The following ZNF709 variants were observed in gnomAD, a reference collection of about 807,000 sequenced individuals.
ZNF709 encodes the protein zinc finger protein 709.
ZNF709 carries 15 observed loss-of-function variants against 10.6 expected under a neutral mutation model. The observed-to-expected ratio is 1.41, with a 90% confidence interval of 0.95 to 2.18. The LOEUF (loss-of-function observed/expected upper bound fraction) is 2.18. Among genes scored for constraint, ZNF709 ranks in the 30% most tolerant of loss-of-function variants. ZNF709 has a pLI of 0.00. For synonymous variants in ZNF709, 194 were observed against 238.8 expected (o/e 0.81, Z 1.73); for missense variants, 589 against 774.0 (o/e 0.76, Z 2.84).
intron 1 of ZNF709, among the ~76,000 whole-genome samples, chr19:12,475,257 T>TTAAAA (rs1555694110): frequency 4.5e-5 from 2 of 44,734 alleles, no homozygotes; most frequent in Non-Finnish European, 8.6e-5. Flanking sequence ...GATTCCGTCT[T>TTAAAA]AAAAAAAAAA....
At chr19:12,468,498 T>C (rs1243944714) in intron 1 of ZNF709, among the ~76,000 whole-genome samples, 2 of 151,740 alleles carry the variant, frequency 1.3e-5, no homozygotes, top group African/African-American at 4.8e-5. Flanking sequence ...GAAGGCAGCA[T>C]GCTCGTTAAG....
intron 1 of ZNF709, among the ~76,000 whole-genome samples, chr19:12,468,896 A>G (rs2144993190): frequency 6.6e-6 from 1 of 151,926 alleles, no homozygotes; most frequent in African/African-American, 2.4e-5. Flanking sequence ...GCTAGAGTGC[A>G]GTGGCGCGAT....
In ZNF709 at chr19:12,482,156, A is replaced by AACAC. The variant is rs34621481; in HGVS notation, c.3+2495_3+2498dup. 8.3e-4 allele frequency among the ~76,000 whole-genome samples: 107 copies of AACAC among 128,448 alleles called. 2 individuals carry two copies. The South Asian group carries it at 0.014, about 17-fold the overall frequency. 84.3% of individuals were successfully genotyped at this position (128,448 alleles called of 152,430 possible). ...TCTAAAATACACACACACACACACAAACACACACACACACACACACACACA... is the reference window on the plus strand; with the variant it reads ...TCTAAAATACACACACACACACACAAACACACACACACACACACACACACACACA... On this transcript the variant is annotated intron_variant, in intron 1 of 3. Coordinates refer to ENST00000397732, the MANE Select transcript of ZNF709 (RefSeq NM_152601.4).
intron 1 of ZNF709, among the ~76,000 whole-genome samples, chr19:12,470,441 C>T (rs1970625543): frequency 6.6e-6 from 1 of 152,106 alleles, no homozygotes; most frequent in Admixed American, 6.5e-5. Flanking sequence ...TTCCTACTAC[C>T]TAGTGTGCAG....
In ZNF709 at chr19:12,463,884, T is replaced by C. The variant is rs983005194; in HGVS notation, c.*112A>G. 6 of 905,318 alleles carry C rather than the reference T, an allele frequency of 6.6e-6. No individual in the cohort carries two copies. The East Asian group carries it at 1.4e-4, about 21-fold the overall frequency. 56.1% of individuals were successfully genotyped at this position (905,318 alleles called of 1,614,324 possible). Reference sequence around the variant, plus strand: ...AGAGGTTGCAGTGAGCTGAGATCACTCTACTGCACTCCAGCCAGGGCAACA... The same window carrying C: ...AGAGGTTGCAGTGAGCTGAGATCACCCTACTGCACTCCAGCCAGGGCAACA... On this transcript the variant is annotated 3_prime_UTR_variant, in exon 4 of 4. Transcript: ENST00000397732.
chr19:12,466,229 C>T (rs59147944), intron 3 of ZNF709, among the ~76,000 whole-genome samples: 1,813 of 152,278 alleles, frequency 0.012, 41 homozygotes, highest in African/African-American at 0.042. Context: ...GCATGAGCCA[C>T]CATGCCTGGC....
At chr19:12,467,812 G>C (rs924984707) in intron 1 of ZNF709, among the ~76,000 whole-genome samples, 6 of 146,992 alleles carry the variant, frequency 4.1e-5, no homozygotes, top group South Asian at 2.2e-4. Context: ...GGGAGGTGAG[G>C]AGTGCCTCTG....
intron 1 of ZNF709, among the ~76,000 whole-genome samples, chr19:12,482,725 C>T (rs67514268): frequency 0.41 from 61,867 of 152,006 alleles, 14,185 homozygotes; most frequent in Non-Finnish European, 0.51. Flanking sequence ...TTCAGATCCC[C>T]AGCTTTCCAG....
In ZNF709 at chr19:12,473,378, C is replaced by T. The variant is rs189460959; in HGVS notation, c.4-6528G>A. On this transcript the variant is annotated intron_variant, in intron 1 of 3. Transcript: ENST00000397732. ...TATTTAAAGTTCAAATAAGGCTCAA[C>T]TAAAAGAACATCACATAGTGAAATG... Among the ~76,000 whole-genome samples, 33 of 152,108 alleles carry T rather than the reference C, an allele frequency of 2.2e-4. No homozygotes were observed. The East Asian group carries it at 5.8e-3, about 27-fold the overall frequency.
intron 1 of ZNF709, among the ~76,000 whole-genome samples, chr19:12,480,994 C>T (rs187581377): frequency 6.6e-6 from 1 of 150,862 alleles, no homozygotes; most frequent in Non-Finnish European, 1.5e-5. Flanking sequence ...ATGTTGCCCA[C>T]GCTAGTCTCA....
Position 12,467,736 on chromosome 19 carries a change from A to T in ZNF709, c.4-886T>A, listed in dbSNP as rs1338955221. On this transcript the variant is annotated intron_variant, in intron 1 of 3. Transcript: ENST00000397732. ...GCGGCCCATCGTCTGAGAGGTGGGG[A>T]GCGCCTCTGCCCCGCCGCCCCGTCT... Among the ~76,000 whole-genome samples, 6 of 144,644 alleles carry T rather than the reference A, an allele frequency of 4.1e-5. No individual in the cohort carries two copies. The South Asian group carries it at 1.1e-3, about 27-fold the overall frequency. 94.9% of individuals were successfully genotyped at this position (144,644 alleles called of 152,430 possible).
intron 1 of ZNF709, among the ~76,000 whole-genome samples, chr19:12,476,216 AC>A (rs1309479510): frequency 6.6e-6 from 1 of 151,996 alleles, no homozygotes; most frequent in Non-Finnish European, 1.5e-5. Flanking sequence ...ACTAAGTAGG[AC>A]CCCATCTCTA....
intron 1 of ZNF709, among the ~76,000 whole-genome samples, chr19:12,477,494 A>G (rs1413173294): frequency 1.3e-5 from 2 of 152,236 alleles, no homozygotes; most frequent in Non-Finnish European, 2.9e-5. Flanking sequence ...AGGCACAGTT[A>G]TGATGGCTAA....
At chr19:12,482,775 A>G (rs1264715755) in intron 1 of ZNF709, among the ~76,000 whole-genome samples, 3 of 152,124 alleles carry the variant, frequency 2.0e-5, no homozygotes, top group African/African-American at 7.2e-5. Context: ...CTCCTTCCAC[A>G]GTAGGTATGA....
At chr19:12,482,033 C>T (rs1197775907) in intron 1 of ZNF709, among the ~76,000 whole-genome samples, 1 of 151,244 alleles carries the variant, frequency 6.6e-6, no homozygotes, top group Non-Finnish European at 1.5e-5. Context: ...GAAAGCCAAG[C>T]CACATCTGTA....
intron 1 of ZNF709, among the ~76,000 whole-genome samples, chr19:12,471,662 G>A (rs1970635395): frequency 6.6e-6 from 1 of 152,108 alleles, no homozygotes. Context: ...GCATTTATAA[G>A]GAAAATTGAT....
intron 1 of ZNF709, among the ~76,000 whole-genome samples, chr19:12,480,768 T>A (rs1224184679): frequency 1.3e-5 from 2 of 151,570 alleles, no homozygotes; most frequent in East Asian, 3.9e-4. Context: ...GACTTTGAGG[T>A]TTTTTCGTTT....
intron 1 of ZNF709, among the ~76,000 whole-genome samples, chr19:12,470,618 C>G (rs995269242): frequency 6.6e-6 from 1 of 152,156 alleles, no homozygotes; most frequent in Non-Finnish European, 1.5e-5. Context: ...ACCCCGCCAA[C>G]CTAAGTGATA....
Position 12,464,047 on chromosome 19 carries a change from GA to G in ZNF709, c.1874del (p.Phe625SerfsTer43). 1 of 1,528,574 alleles carries G rather than the reference GA, an allele frequency of 6.5e-7. No individual in the cohort carries two copies. Among genetic ancestry groups the G allele is most frequent in the South Asian group, 1.4e-5 (1 of 73,084 alleles). The allele number at this position is 1,528,574 out of a possible 1,614,324, so 94.7% of individuals were successfully genotyped here. A position where few individuals can be genotyped will look rare whatever the true frequency, so the allele number is the denominator to read the frequency against. On this transcript the variant is annotated frameshift_variant, in exon 4 of 4. Transcript: ENST00000397732. LOFTEE classifies it low-confidence loss of function (END_TRUNC). Reference protein sequence around the residue: ...PYACQQCGKAFKCSRSFRIHE... With the variant: ...PYACQQCGKAXKCSRSFRIHE... ...GTATTCGAAAGGAACGGGAACACTT[GA>G]AGGCTTTACCACATTGTTGACATGC...
Sources: gnomAD v4.1 joint callset for allele counts (sites outside exome capture counted in the v4.1 genomes callset) on GRCh38, gnomAD v4.1.1 for gene constraint, MANE v1.5 for transcripts, NCBI Gene and HGNC (gene_info 2026-07-23, HGNC 2026-07-21) for gene names.